The following SOX5 variants were observed in gnomAD, a reference collection of about 807,000 sequenced individuals.
The protein encoded by SOX5 is transcription factor SOX-5.
A neutral mutation model predicts 92.0 loss-of-function variants in SOX5; 9 were observed. The observed-to-expected ratio is 0.10, with a 90% CI of 0.06 to 0.17. The LOEUF (loss-of-function observed/expected upper bound fraction) is 0.17, where lower values mean the gene tolerates loss of function less well. Among genes scored for constraint, SOX5 ranks in the 10% least tolerant of loss-of-function variants. SOX5 has a pLI of 1.00. For synonymous variants in SOX5, 344 were observed against 336.3 expected (o/e 1.02, Z -0.25); for missense variants, 642 against 944.5 (o/e 0.68, Z 4.20).
chr12:23,930,864 C>T (rs1941248346), intron 1 of SOX5, among the ~76,000 whole-genome samples: 2 of 151,658 alleles, frequency 1.3e-5, no homozygotes, highest in South Asian at 4.1e-4. Flanking sequence ...TCATTCTTTG[C>T]TTTCGGTTCT....
At chr12:24,059,428 C>T (rs950418506) in intron 4 of SOX5, among the ~76,000 whole-genome samples, 1 of 152,148 alleles carries the variant, frequency 6.6e-6, no homozygotes, top group African/African-American at 2.4e-5. Context: ...ATTTGGAAAA[C>T]TCTACTTGCC....
At chr12:23,884,078 T>G (rs559851969) in intron 2 of SOX5, among the ~76,000 whole-genome samples, 1 of 152,282 alleles carries the variant, frequency 6.6e-6, no homozygotes, top group South Asian at 2.1e-4. Context: ...AACTTAAACA[T>G]TTCTTTAGGC....
intron 6 of SOX5, among the ~76,000 whole-genome samples, chr12:23,682,850 A>G (rs1311969691): frequency 2.0e-5 from 3 of 151,832 alleles, no homozygotes; most frequent in Non-Finnish European, 4.4e-5. Context: ...AGCTGACTCC[A>G]TCTTGTAAAA....
intron 3 of SOX5, among the ~76,000 whole-genome samples, chr12:24,216,528 T>C (rs1383839141): frequency 6.6e-6 from 1 of 152,112 alleles, no homozygotes; most frequent in Non-Finnish European, 1.5e-5. Flanking sequence ...GTGATGGCGT[T>C]TCCAGTCCCC....
At chr12:23,722,534 T>A (rs1329514400) in intron 6 of SOX5, among the ~76,000 whole-genome samples, 1 of 152,224 alleles carries the variant, frequency 6.6e-6, no homozygotes, top group Non-Finnish European at 1.5e-5. Context: ...TCATCACAAA[T>A]GTATATAAAT....
chr12:23,800,469 C>T (rs943643878), intron 3 of SOX5, among the ~76,000 whole-genome samples: 11 of 151,904 alleles, frequency 7.2e-5, no homozygotes, highest in East Asian at 1.9e-4. Flanking sequence ...ATGCTTAAAA[C>T]GTACATGATG....
At chr12:23,923,719 T>C (rs976607271) in intron 1 of SOX5, among the ~76,000 whole-genome samples, 3 of 152,182 alleles carry the variant, frequency 2.0e-5, no homozygotes, top group African/African-American at 7.2e-5. Context: ...CCAGCCTATA[T>C]GTTTTATATC....
At chr12:23,965,914 C>T (rs1208106068) in intron 4 of SOX5, among the ~76,000 whole-genome samples, 1 of 152,056 alleles carries the variant, frequency 6.6e-6, no homozygotes, top group Non-Finnish European at 1.5e-5. Flanking sequence ...CCACCATGCC[C>T]AGCCATTTCT....
chr12:23,919,112 T>C (rs2097453303), intron 1 of SOX5, among the ~76,000 whole-genome samples: 2 of 152,088 alleles, frequency 1.3e-5, no homozygotes, highest in African/African-American at 4.8e-5. Context: ...AATGCCTGCA[T>C]TGTGCATGTG....
rs187969985 is a variant in SOX5 at position 23,624,653 on chromosome 12, A to G, written c.1017+16159T>C. Among the ~76,000 whole-genome samples, 19 of 152,268 alleles carry G rather than the reference A, an allele frequency of 1.2e-4. No homozygotes were observed. In the East Asian group the frequency reaches 3.1e-3, roughly 25 times the overall value. ...CCACTGTCTTATCAGCCAGGCTTAGACTTTCTGAGGAGGAGATTGGAGAAT... is the reference window on the plus strand; with the variant it reads ...CCACTGTCTTATCAGCCAGGCTTAGGCTTTCTGAGGAGGAGATTGGAGAAT... On this transcript the variant is annotated intron_variant, in intron 8 of 14. Transcript: ENST00000451604.
chr12:23,596,953 G>A (rs1952581002), intron 9 of SOX5, among the ~76,000 whole-genome samples: 4 of 152,142 alleles, frequency 2.6e-5, no homozygotes, highest in South Asian at 4.1e-4. Flanking sequence ...AAACGACTTA[G>A]GTTTTAACTA....
In SOX5 at chr12:24,115,252, G is replaced by A. The variant is rs552537419; in HGVS notation, c.-2+98091C>T. On this transcript the variant is annotated intron_variant, in intron 4 of 4. Transcript: ENST00000446891. ...TCAAAACATAAACAAGAACAAAAAAGAAACAAAATACCGATTAGAGAAACA... is the reference window on the plus strand; with the variant it reads ...TCAAAACATAAACAAGAACAAAAAAAAAACAAAATACCGATTAGAGAAACA... Among the ~76,000 whole-genome samples, 369 of 152,196 alleles carry A rather than the reference G, an allele frequency of 2.4e-3. 1 individual carries two copies. The highest frequency in any genetic ancestry group is 3.4e-3 in the Middle Eastern group (1 of 294).
At chr12:24,420,002 G>A (rs1390399860) in intron 1 of SOX5, among the ~76,000 whole-genome samples, 1 of 152,216 alleles carries the variant, frequency 6.6e-6, no homozygotes, top group Non-Finnish European at 1.5e-5. Flanking sequence ...ATCAGAAACT[G>A]TATAAATGTA....
At chr12:24,516,838 A>C (rs1949832769) in intron 1 of SOX5, among the ~76,000 whole-genome samples, 1 of 152,184 alleles carries the variant, frequency 6.6e-6, no homozygotes, top group Non-Finnish European at 1.5e-5. Flanking sequence ...TTTATGTTTC[A>C]GCTTCAAAAC....
At chr12:24,296,674 T>C (rs1374672703) in intron 2 of SOX5, among the ~76,000 whole-genome samples, 1 of 152,176 alleles carries the variant, frequency 6.6e-6, no homozygotes, top group Non-Finnish European at 1.5e-5. Flanking sequence ...GTAGCAATCA[T>C]GTCAAATGTC....
intron 3 of SOX5, among the ~76,000 whole-genome samples, chr12:24,270,169 C>A (rs138884565): frequency 1.7e-4 from 26 of 152,024 alleles, no homozygotes; most frequent in Non-Finnish European, 3.2e-4. Flanking sequence ...TCAAGCAATT[C>A]TCTGCCTTAG....
At chr12:23,971,429 G>A (rs1212086038) in intron 4 of SOX5, among the ~76,000 whole-genome samples, 1 of 151,234 alleles carries the variant, frequency 6.6e-6, no homozygotes. Flanking sequence ...GCCATCAGCT[G>A]ACTCATTTTT....
intron 2 of SOX5, among the ~76,000 whole-genome samples, chr12:24,293,418 T>G (rs1946837311): frequency 6.6e-6 from 1 of 152,174 alleles, no homozygotes; most frequent in Non-Finnish European, 1.5e-5. Flanking sequence ...ACCAGTTAAG[T>G]CAGTTAAATA....
intron 2 of SOX5, among the ~76,000 whole-genome samples, chr12:24,343,509 A>G (rs1952819587): frequency 6.6e-6 from 1 of 151,592 alleles, no homozygotes; most frequent in Admixed American, 6.6e-5. Context: ...CATAAATATA[A>G]AGTATATTAG....
Sources: gnomAD v4.1 joint callset for allele counts (sites outside exome capture counted in the v4.1 genomes callset) on GRCh38, gnomAD v4.1.1 for gene constraint, MANE v1.5 for transcripts, NCBI Gene and HGNC (gene_info 2026-07-23, HGNC 2026-07-21) for gene names.